CLRN1: variants seen among roughly 807,000 people sequenced by gnomAD.
CLRN1 encodes clarin-1.
A neutral mutation model predicts 18.7 loss-of-function variants in CLRN1; 15 were observed. The observed-to-expected ratio is 0.80, with a 90% CI of 0.54 to 1.23. CLRN1 has a LOEUF of 1.23. CLRN1 is among the 50% of genes most tolerant of loss of function. The pLI, the probability that CLRN1 is intolerant of heterozygous loss-of-function variation, is 0.00. For synonymous variants in CLRN1, 104 were observed against 102.9 expected, an observed-to-expected ratio of 1.01 and a Z score of -0.07; for missense variants, 311 against 277.5, an observed-to-expected ratio of 1.12 and a Z score of -0.86.
chr3:150,960,059 A>C (rs975636457), intron 1 of CLRN1, among the ~76,000 whole-genome samples: 1 of 152,194 alleles, frequency 6.6e-6, no homozygotes, highest in African/African-American at 2.4e-5. Flanking sequence ...CGGGTTGGGC[A>C]GGATGTGGCT....
intron 1 of CLRN1, among the ~76,000 whole-genome samples, chr3:150,965,280 A>T (rs1715211321): frequency 6.6e-6 from 1 of 152,206 alleles, no homozygotes; most frequent in Non-Finnish European, 1.5e-5. Flanking sequence ...CAAGAGAAAC[A>T]GCATCATAAT....
At chr3:150,966,059 C>A (rs1225426535) in intron 1 of CLRN1, among the ~76,000 whole-genome samples, 1 of 152,210 alleles carries the variant, frequency 6.6e-6, no homozygotes, top group Admixed American at 6.5e-5. Flanking sequence ...GTGGCTTATG[C>A]CCATAATTCC....
chr3:150,943,263 C>T (rs1327486944), intron 1 of CLRN1, among the ~76,000 whole-genome samples: 1 of 152,152 alleles, frequency 6.6e-6, no homozygotes, highest in African/African-American at 2.4e-5. Flanking sequence ...GAACTTCCAT[C>T]CCTGTGTGCC....
chr3:150,934,439 A>G (rs1713336690), intron 2 of CLRN1, among the ~76,000 whole-genome samples: 2 of 152,260 alleles, frequency 1.3e-5, no homozygotes, highest in South Asian at 4.1e-4. Flanking sequence ...GAAAGCCTAT[A>G]TATAAGAGAA....
chr3:150,940,298 G>A (rs1189679662), intron 2 of CLRN1, among the ~76,000 whole-genome samples: 1 of 152,202 alleles, frequency 6.6e-6, no homozygotes, highest in Non-Finnish European at 1.5e-5. Flanking sequence ...AATGTGATTA[G>A]CAGAATGTGG....
chr3:150,954,926 CAT>C (rs932520110), intron 1 of CLRN1, among the ~76,000 whole-genome samples: 1 of 152,180 alleles, frequency 6.6e-6, no homozygotes, highest in Non-Finnish European at 1.5e-5. Context: ...GAATTGAAAA[CAT>C]GTGTCCACAC....
chr3:150,961,595 C>T (rs1263299309), intron 1 of CLRN1, among the ~76,000 whole-genome samples: 1 of 152,196 alleles, frequency 6.6e-6, no homozygotes, highest in African/African-American at 2.4e-5. Flanking sequence ...GCTATAAAGA[C>T]AGTTTCAGAG....
upstream of CLRN1, chr3:150,972,982 T>G (rs886058092): frequency 3.9e-5 from 21 of 543,084 alleles, no homozygotes; most frequent in Non-Finnish European, 6.4e-5. Flanking sequence ...TCTTTCAAAC[T>G]GCCTTCAAGT....
At chr3:150,956,111 T>A (rs545993052) in intron 1 of CLRN1, among the ~76,000 whole-genome samples, 1 of 152,342 alleles carries the variant, frequency 6.6e-6, no homozygotes, top group East Asian at 1.9e-4. Context: ...AATCTGTTAG[T>A]TCGTCTTCTA....
At chr3:150,950,618 T>C (rs1714433097) in intron 1 of CLRN1, among the ~76,000 whole-genome samples, 1 of 152,106 alleles carries the variant, frequency 6.6e-6, no homozygotes, top group African/African-American at 2.4e-5. Context: ...ATCACACTAA[T>C]TAGAATGGTT....
intron 2 of CLRN1, among the ~76,000 whole-genome samples, chr3:150,931,578 G>C (rs570435566): frequency 6.6e-6 from 1 of 152,182 alleles, no homozygotes; most frequent in East Asian, 1.9e-4. Context: ...TCAGAGGGTG[G>C]CTGAGGAATA....
At chr3:150,967,089 A>T (rs1576647590) in intron 1 of CLRN1, among the ~76,000 whole-genome samples, 1 of 152,162 alleles carries the variant, frequency 6.6e-6, no homozygotes, top group Non-Finnish European at 1.5e-5. Flanking sequence ...GCTTAATTTC[A>T]ATAGTGTCAG....
At chr3:150,966,926 A>G (rs181745722) in intron 1 of CLRN1, among the ~76,000 whole-genome samples, 94 of 152,328 alleles carry the variant, frequency 6.2e-4, no homozygotes, top group Non-Finnish European at 1.1e-3. Context: ...CTCGTTGTAT[A>G]GATCACAGAG....
chr3:150,958,987 C>T (rs1421768077), intron 1 of CLRN1, among the ~76,000 whole-genome samples: 4 of 152,202 alleles, frequency 2.6e-5, no homozygotes, highest in African/African-American at 9.6e-5. Flanking sequence ...AATGAAGCTC[C>T]AGCCAATCTC....
At chr3:150,943,443 T>C (rs1395903323) in intron 1 of CLRN1, among the ~76,000 whole-genome samples, 1 of 152,158 alleles carries the variant, frequency 6.6e-6, no homozygotes, top group Non-Finnish European at 1.5e-5. Context: ...GAAACTTGAC[T>C]TCAGAGATGG....
rs397517932 is a variant in CLRN1 at position 150,941,709 on chromosome 3, AATGAC to A, written c.301_305del (p.Val101SerfsTer27). The A allele has an allele frequency of 1.2e-6, 2 of 1,614,102 alleles. No homozygotes were observed. Among genetic ancestry groups the A allele is most frequent in the Non-Finnish European group, 1.7e-6 (2 of 1,179,944 alleles). On this transcript the variant is annotated frameshift_variant, in exon 2 of 3. Transcript: ENST00000327047. LOFTEE classifies it high-confidence loss of function. Reference sequence around the variant, plus strand: ...ACACAATAAGGATGGCAGAGAAGAGAATGACATTGACGTGGATGCTCACTGGGATT... The same window carrying A: ...ACACAATAAGGATGGCAGAGAAGAGAATTGACGTGGATGCTCACTGGGATT...
At chr3:150,940,432 G>A in intron 2 of CLRN1, 1 of 1,500,208 alleles carries the variant, frequency 6.7e-7, no homozygotes, top group South Asian at 1.2e-5. Context: ...TTTGTGGTTG[G>A]GGTTGAATTG....
chr3:150,950,702 G>T (rs992393702), intron 1 of CLRN1, among the ~76,000 whole-genome samples: 1 of 152,172 alleles, frequency 6.6e-6, no homozygotes, highest in African/African-American at 2.4e-5. Context: ...CACTGTTAGT[G>T]GGAGTGTAAA....
intron 2 of CLRN1, among the ~76,000 whole-genome samples, chr3:150,930,907 C>A (rs1001729335): frequency 1.3e-5 from 2 of 152,156 alleles, no homozygotes; most frequent in Non-Finnish European, 2.9e-5. Context: ...AGACTCAAAG[C>A]CTTTTGCCAT....
Sources: gnomAD v4.1 joint callset for allele counts (sites outside exome capture counted in the v4.1 genomes callset) on GRCh38, gnomAD v4.1.1 for gene constraint, MANE v1.5 for transcripts, NCBI Gene and HGNC (gene_info 2026-07-23, HGNC 2026-07-21) for gene names.